RAI14: variants seen among roughly 807,000 people sequenced by gnomAD.
The protein encoded by RAI14 is ankycorbin.
In RAI14, 45 loss-of-function variants were observed where a neutral mutation model predicts 115.4. The ratio of observed to expected loss-of-function variants is 0.39; its 90% CI spans 0.31 to 0.50. The LOEUF (loss-of-function observed/expected upper bound fraction) is 0.50, where lower values mean the gene tolerates loss of function less well. Ranked by LOEUF, RAI14 falls within the 20% of genes least tolerant of loss-of-function variation. RAI14 has a pLI of 0.85. For missense variants in RAI14, 939 were observed against 1,131.2 expected, an observed-to-expected ratio of 0.83 and a Z score of 2.44; for synonymous variants, 371 against 415.4, an observed-to-expected ratio of 0.89 and a Z score of 1.30.
intron 2 of RAI14, among the ~76,000 whole-genome samples, chr5:34,736,519 G>A (rs1173051053): frequency 6.6e-6 from 1 of 152,070 alleles, no homozygotes; most frequent in Non-Finnish European, 1.5e-5. Context: ...TGATATTCAG[G>A]TTAAATTAGA....
In RAI14 at chr5:34,665,416, T is replaced by G. The variant is rs181762504; in HGVS notation, c.-49+8941T>G. Among the ~76,000 whole-genome samples, 307 of 150,746 alleles carry G rather than the reference T, an allele frequency of 2.0e-3. 1 individual carries two copies. Among genetic ancestry groups the G allele is most frequent in the Middle Eastern group, 0.014 (4 of 290 alleles). On this transcript the variant is annotated intron_variant, in intron 1 of 17. Transcript: ENST00000265109. ...CACTCAGAAAACAGGCAGTGTTAAC[T>G]GATGGAGAATAAAAGGCCAGAGAAG...
intron 2 of RAI14, among the ~76,000 whole-genome samples, chr5:34,717,311 A>C (rs1163423260): frequency 6.6e-6 from 1 of 152,218 alleles, no homozygotes; most frequent in African/African-American, 2.4e-5. Flanking sequence ...TTCTTTCCTC[A>C]TTTAACCAGA....
At position 34,764,553 on chromosome 5, in the gene RAI14, C is replaced by T. The variant is rs1376906365; in HGVS notation, c.167+6955C>T. Among the ~76,000 whole-genome samples, 244 of 151,652 alleles carry T rather than the reference C, an allele frequency of 1.6e-3. 1 individual carries two copies. Among genetic ancestry groups the T allele is most frequent in the African/African-American group, 5.7e-3 (234 of 41,178 alleles). ...AGGTGAATTTTCTCTCTCTCTCTCT[C>T]TCTCTCTCTCTCTCTCTCACACACA... On this transcript the variant is annotated intron_variant, in intron 3 of 17. Transcript: ENST00000265109.
At chr5:34,754,332 G>A (rs886907107) in intron 2 of RAI14, among the ~76,000 whole-genome samples, 4 of 152,134 alleles carry the variant, frequency 2.6e-5, no homozygotes, top group East Asian at 1.9e-4. Flanking sequence ...TGGATCAGAC[G>A]TCTAATTGGG....
intron 1 of RAI14, among the ~76,000 whole-genome samples, chr5:34,675,896 C>G (rs1470751385): frequency 6.6e-6 from 1 of 152,172 alleles, no homozygotes; most frequent in Non-Finnish European, 1.5e-5. Context: ...GGGTAGTATT[C>G]CATTATATGG....
chr5:34,686,051 C>T (rs917971834), intron 1 of RAI14, among the ~76,000 whole-genome samples: 2 of 151,954 alleles, frequency 1.3e-5, no homozygotes, highest in Non-Finnish European at 2.9e-5. Context: ...GGAGGGGAGA[C>T]GGGAACAAAC....
At chr5:34,826,193 G>A (rs1029882991) in intron 15 of RAI14, 137 bp from the exon 16 acceptor site, 1 of 682,720 alleles carries the variant, frequency 1.5e-6, no homozygotes. Flanking sequence ...TAATTTAAAT[G>A]TATTAAAAAG....
At chr5:34,743,087 C>T (rs1745728155) in intron 2 of RAI14, among the ~76,000 whole-genome samples, 1 of 152,148 alleles carries the variant, frequency 6.6e-6, no homozygotes, top group Non-Finnish European at 1.5e-5. Context: ...GGGTGGAGTC[C>T]TCTGGGGATG....
chr5:34,743,936 C>A (rs1439020344), intron 2 of RAI14, among the ~76,000 whole-genome samples: 2 of 152,208 alleles, frequency 1.3e-5, no homozygotes, highest in Admixed American at 1.3e-4. Context: ...CTGTAAAGGG[C>A]ATGATCAGGA....
intron 3 of RAI14, among the ~76,000 whole-genome samples, chr5:34,763,458 C>A (rs1254994468): frequency 6.6e-6 from 1 of 152,136 alleles, no homozygotes; most frequent in East Asian, 1.9e-4. Context: ...GTTGAGATAA[C>A]CTCTTCTTAT....
intron 2 of RAI14, among the ~76,000 whole-genome samples, chr5:34,710,788 CTAAG>C (rs1023794344): frequency 3.1e-4 from 47 of 150,938 alleles, no homozygotes; most frequent in African/African-American, 1.1e-3. Flanking sequence ...AAACATTGGA[CTAAG>C]TGACTTCTGC....
chr5:34,776,071 T>C (rs1289070247), intron 3 of RAI14, among the ~76,000 whole-genome samples: 1 of 152,192 alleles, frequency 6.6e-6, no homozygotes, highest in Non-Finnish European at 1.5e-5. Flanking sequence ...ATATACACAA[T>C]GGAGTACTGT....
At chr5:34,780,233 T>G (rs1751437063) in intron 3 of RAI14, among the ~76,000 whole-genome samples, 1 of 152,178 alleles carries the variant, frequency 6.6e-6, no homozygotes, top group African/African-American at 2.4e-5. Flanking sequence ...CAAGATGGAT[T>G]AAAGACTTAA....
chr5:34,788,326 A>G (rs1160676177), intron 3 of RAI14, among the ~76,000 whole-genome samples: 1 of 152,116 alleles, frequency 6.6e-6, no homozygotes. Context: ...TTAGATGCCA[A>G]TAGAATCTCC....
At chr5:34,815,379 C>CA (rs112615163) in intron 12 of RAI14, among the ~76,000 whole-genome samples, 116 of 109,384 alleles carry the variant, frequency 1.1e-3, no homozygotes, top group East Asian at 1.0e-3. Context: ...GACTCCGTCT[C>CA]AAAAAAAAAA....
At chr5:34,804,412 C>A (rs746255429) in intron 5 of RAI14, among the ~76,000 whole-genome samples, 5 of 152,134 alleles carry the variant, frequency 3.3e-5, no homozygotes, top group African/African-American at 4.8e-5. Flanking sequence ...ACGGTAACAT[C>A]CAGTTGTTGC....
chr5:34,733,698 C>T (rs183138332), intron 2 of RAI14, among the ~76,000 whole-genome samples: 37 of 152,286 alleles, frequency 2.4e-4, no homozygotes, highest in African/African-American at 7.0e-4. Flanking sequence ...ACCTGTCTCC[C>T]GCAAAGGTTG....
Position 34,827,952 on chromosome 5 carries a change from C to T in RAI14, c.2799+1473C>T, listed in dbSNP as rs750966340. On this transcript the variant is annotated intron_variant, in intron 16 of 17. Transcript: ENST00000265109. This position sits in a 1 kb window ranked among gnomAD's most constrained non-coding sequence, Gnocchi z 4.2. ...TTGCTGAGTCATGAAAAGGTTCCTA[C>T]GGGAGTTACACTTGTGCTGAGTCTT... Among the ~76,000 whole-genome samples the T allele has an allele frequency of 1.3e-5, 2 of 152,166 alleles. No individual in the cohort carries two copies. The highest frequency in any genetic ancestry group is 1.5e-5 in the Non-Finnish European group (1 of 68,026).
intron 2 of RAI14, among the ~76,000 whole-genome samples, chr5:34,756,867 CTT>C (rs1434448363): frequency 2.0e-5 from 3 of 152,184 alleles, no homozygotes; most frequent in Non-Finnish European, 4.4e-5. Context: ...GCTCAAAGCT[CTT>C]TGACGTTTAA....
Sources: allele counts gnomAD v4.1 joint callset (sites outside exome capture counted in the v4.1 genomes callset), GRCh38; gene constraint gnomAD v4.1.1; non-coding constraint Gnocchi (gnomAD v3.1); transcripts MANE v1.5; gene names NCBI Gene and HGNC (gene_info 2026-07-23, HGNC 2026-07-21).